Variants in HESX1 observed in about 807,000 individuals in gnomAD.
The protein encoded by HESX1 is HESX homeobox 1.
A neutral mutation model predicts 22.5 loss-of-function variants in HESX1; 11 were observed. The observed-to-expected ratio is 0.49, with a 90% CI of 0.31 to 0.81. HESX1 has a LOEUF of 0.81. HESX1 is among the 30% of genes least tolerant of loss of function. HESX1 has a pLI of 0.05. For missense variants in HESX1, 201 were observed against 212.6 expected, an observed-to-expected ratio of 0.95 and a Z score of 0.34; for synonymous variants, 74 against 76.5, an observed-to-expected ratio of 0.97 and a Z score of 0.17.
intron 1 of HESX1, among the ~76,000 whole-genome samples, chr3:57,206,821 C>T (rs2060522258): frequency 6.6e-6 from 1 of 152,206 alleles, no homozygotes; most frequent in Non-Finnish European, 1.5e-5. Context: ...CAAACATAAG[C>T]TCATAATCAA....
chr3:57,223,502 T>A (rs2060626369), intron 1 of HESX1, among the ~76,000 whole-genome samples: 1 of 152,184 alleles, frequency 6.6e-6, no homozygotes, highest in East Asian at 1.9e-4. Flanking sequence ...AGGCAGAAGC[T>A]AGTTTGCAGT....
chr3:57,202,637 G>A (rs1475266951), upstream of HESX1, among the ~76,000 whole-genome samples: 1 of 152,140 alleles, frequency 6.6e-6, no homozygotes, highest in Non-Finnish European at 1.5e-5. Context: ...ACCATGCTTG[G>A]CCTCAACAGA....
intron 1 of HESX1, among the ~76,000 whole-genome samples, chr3:57,225,659 C>T (rs949049271): frequency 6.6e-6 from 1 of 151,856 alleles, no homozygotes; most frequent in African/African-American, 2.4e-5. Flanking sequence ...ATTTTTTAAC[C>T]AGCTGAGTCC....
At chr3:57,214,714 G>A (rs1412356820) in intron 1 of HESX1, among the ~76,000 whole-genome samples, 1 of 152,168 alleles carries the variant, frequency 6.6e-6, no homozygotes, top group Non-Finnish European at 1.5e-5. Flanking sequence ...GCTTTTCAGA[G>A]ATGTGCTGAG....
chr3:57,199,034 A>C, intron 1 of HESX1, 82 bp from the exon 2 acceptor site: 1 of 1,269,070 alleles, frequency 7.9e-7, no homozygotes, highest in Non-Finnish European at 1.1e-6. Flanking sequence ...TCAGGAACTC[A>C]TCTTTCATTT....
At chr3:57,202,346 T>C (rs914898200), upstream of HESX1, among the ~76,000 whole-genome samples, 7 of 152,008 alleles carry the variant, frequency 4.6e-5, 1 homozygote, top group East Asian at 1.4e-3. Flanking sequence ...GTTTGTTTGC[T>C]GGTTTGTTTG....
At chr3:57,217,501 A>T (rs1157721567) in intron 1 of HESX1, among the ~76,000 whole-genome samples, 3 of 152,132 alleles carry the variant, frequency 2.0e-5, no homozygotes, top group Non-Finnish European at 4.4e-5. Flanking sequence ...TTACTCACAG[A>T]GATGGCTTCC....
In HESX1 at chr3:57,199,965, T is replaced by A. The variant is rs780487262; in HGVS notation, c.-47A>T. The stretch of plus-strand genomic sequence containing the variant: ...CAACAGCTCTGGCCTCTGCTGGCTC[T>A]GCCCCACGTGTATAGGGCTGGGATC... On this transcript the variant is annotated 5_prime_UTR_variant, in exon 1 of 4. Transcript: ENST00000295934. The A allele has an allele frequency of 1.3e-6, 2 of 1,576,230 alleles. No homozygotes were observed. Among genetic ancestry groups the A allele is most frequent in the Non-Finnish European group, 1.7e-6 (2 of 1,146,470 alleles).
chr3:57,200,255 C>G (rs1338964653), upstream of HESX1, among the ~76,000 whole-genome samples: 1 of 152,144 alleles, frequency 6.6e-6, no homozygotes, highest in Admixed American at 6.5e-5. Context: ...AAATGTGGCA[C>G]TTATCTTTTA....
chr3:57,212,518 C>T (rs565628443), intron 1 of HESX1, among the ~76,000 whole-genome samples: 188 of 143,334 alleles, frequency 1.3e-3, no homozygotes, highest in Middle Eastern at 7.7e-3. Context: ...AAGATCACAC[C>T]ACTGCACTCC....
intron 1 of HESX1, among the ~76,000 whole-genome samples, chr3:57,215,680 T>C (rs2060579072): frequency 6.6e-6 from 1 of 152,066 alleles, no homozygotes; most frequent in Non-Finnish European, 1.5e-5. Flanking sequence ...GGCAGGAGAA[T>C]CGCTTGAACC....
chr3:57,221,173 A>G (rs1053932590), intron 1 of HESX1, among the ~76,000 whole-genome samples: 1 of 146,936 alleles, frequency 6.8e-6, no homozygotes, highest in African/African-American at 2.5e-5. Context: ...TTTTTTTTTG[A>G]GACAAGGCCT....
At position 57,199,636 on chromosome 3, in the gene HESX1, T is replaced by A. The variant is rs61530432; in HGVS notation, c.157+126A>T. On this transcript the variant is annotated intron_variant, in intron 1 of 3. Coordinates refer to ENST00000295934, the MANE Select transcript of HESX1 (RefSeq NM_003865.3). Reference sequence around the variant, plus strand: ...CTCTGTCTCAGAAAAAAAAAAAAAATAATAAATAATAATAATAAATTAAAT... The same window carrying A: ...CTCTGTCTCAGAAAAAAAAAAAAAAAAATAAATAATAATAATAAATTAAAT... 6.6e-3 allele frequency: 3,254 copies of A among 494,398 alleles called. 23 individuals carry two copies. Among genetic ancestry groups the A allele is most frequent in the African/African-American group, 0.03 (1,355 of 45,746 alleles). 30.6% of individuals were successfully genotyped at this position (494,398 alleles called of 1,614,324 possible).
At chr3:57,220,056 T>C (rs115091352) in intron 1 of HESX1, among the ~76,000 whole-genome samples, 3,642 of 152,338 alleles carry the variant, frequency 0.024, 67 homozygotes, top group South Asian at 0.039. Context: ...CTTCGACATA[T>C]GGCTTGCCAG....
At chr3:57,226,444 T>G (rs1401843846) in exon 1 of HESX1, 2 of 152,066 alleles carry the variant, frequency 1.3e-5, no homozygotes, top group Non-Finnish European at 2.9e-5. Flanking sequence ...CCTCAAAAAC[T>G]AAAGAACTCT....
At chr3:57,211,859 T>C (rs1418244864) in intron 1 of HESX1, among the ~76,000 whole-genome samples, 1 of 151,678 alleles carries the variant, frequency 6.6e-6, no homozygotes, top group African/African-American at 2.4e-5. Flanking sequence ...AAGTTTAAAA[T>C]CTAAAAATCT....
chr3:57,213,796 C>T (rs544372871), intron 1 of HESX1, among the ~76,000 whole-genome samples: 181 of 151,354 alleles, frequency 1.2e-3, no homozygotes, highest in South Asian at 2.1e-3. Context: ...TGGCAGGCAT[C>T]TGTAATCCCA....
chr3:57,200,872 T>TG, upstream of HESX1, among the ~76,000 whole-genome samples: 1 of 152,314 alleles, frequency 6.6e-6, no homozygotes, highest in East Asian at 1.9e-4. Context: ...GTAAGGCTTA[T>TG]GAAAATAACC....
upstream of HESX1, among the ~76,000 whole-genome samples, chr3:57,227,077 T>G (rs1425590674): frequency 6.6e-6 from 1 of 152,218 alleles, no homozygotes; most frequent in Non-Finnish European, 1.5e-5. Flanking sequence ...ATATTTTCCT[T>G]TGTGATTTAA....
Sources: gnomAD v4.1 joint callset for allele counts (sites outside exome capture counted in the v4.1 genomes callset) on GRCh38, gnomAD v4.1.1 for gene constraint, MANE v1.5 for transcripts, NCBI Gene and HGNC (gene_info 2026-07-23, HGNC 2026-07-21) for gene names.